CACNA2D1: variants seen among roughly 807,000 people sequenced by gnomAD.
CACNA2D1 encodes the protein calcium voltage-gated channel auxiliary subunit alpha2delta 1.
A neutral mutation model predicts 171.5 loss-of-function variants in CACNA2D1; 53 were observed. That is an observed-to-expected ratio of 0.31 (90% confidence interval 0.25 to 0.39). CACNA2D1 has a LOEUF of 0.39. CACNA2D1 is among the 10% of genes least tolerant of loss of function. The probability of loss-of-function intolerance (pLI) is 1.00; values close to 1 mark genes in which losing one functional copy is unlikely to be tolerated. For missense variants in CACNA2D1, 903 were observed against 1,299.8 expected (o/e 0.69, Z 4.69); for synonymous variants, 442 against 443.1 (o/e 1.00, Z 0.03).
intron 3 of CACNA2D1, among the ~76,000 whole-genome samples, chr7:82,178,430 A>C (rs1796780426): frequency 6.6e-6 from 1 of 152,106 alleles, no homozygotes; most frequent in Non-Finnish European, 1.5e-5. Context: ...GCAAAATAAA[A>C]GGTTGTCCAA....
chr7:81,991,907 TC>T (rs1024610956), intron 20 of CACNA2D1, among the ~76,000 whole-genome samples: 9 of 151,260 alleles, frequency 6.0e-5, no homozygotes, highest in African/African-American at 4.9e-5. Flanking sequence ...TGATCTCGGC[TC>T]ACTGCAAGCT....
chr7:82,017,133 AC>A (rs1196257549), intron 12 of CACNA2D1, among the ~76,000 whole-genome samples: 2 of 152,090 alleles, frequency 1.3e-5, no homozygotes. Flanking sequence ...ACACATATGC[AC>A]ATAGGTATTT....
chr7:82,310,887 A>C (rs1314871821), intron 3 of CACNA2D1, among the ~76,000 whole-genome samples: 1 of 152,136 alleles, frequency 6.6e-6, no homozygotes, highest in African/African-American at 2.4e-5. Context: ...CACAGAATAA[A>C]ATTTTAAGTT....
At chr7:82,391,795 A>G (rs1452562078) in intron 1 of CACNA2D1, among the ~76,000 whole-genome samples, 5 of 152,236 alleles carry the variant, frequency 3.3e-5, no homozygotes, top group Non-Finnish European at 7.3e-5. Context: ...CAAAATTAGT[A>G]GCAAGAATGC....
intron 1 of CACNA2D1, among the ~76,000 whole-genome samples, chr7:82,373,606 C>T (rs763849988): frequency 6.6e-6 from 1 of 152,136 alleles, no homozygotes; most frequent in Admixed American, 6.5e-5. Flanking sequence ...CTTTGACCTC[C>T]ACCCACCCAT....
chr7:82,280,835 C>T (rs1384983540), intron 3 of CACNA2D1, among the ~76,000 whole-genome samples: 3 of 152,078 alleles, frequency 2.0e-5, no homozygotes, highest in South Asian at 2.1e-4. Context: ...ACACGTGCAC[C>T]AGTGCCTGCC....
chr7:82,117,318 A>G, intron 5 of CACNA2D1, 145 bp from the exon 6 acceptor site: 2 of 782,802 alleles, frequency 2.6e-6, no homozygotes, highest in East Asian at 5.4e-5. Flanking sequence ...ATAGCATTGG[A>G]TACACAAATT....
intron 10 of CACNA2D1, among the ~76,000 whole-genome samples, chr7:82,050,011 A>G (rs1805008281): frequency 6.6e-6 from 1 of 152,214 alleles, no homozygotes; most frequent in South Asian, 2.1e-4. Flanking sequence ...GCAGCAATTT[A>G]CAATTGTACT....
At chr7:82,338,589 A>C (rs994841456) in intron 2 of CACNA2D1, among the ~76,000 whole-genome samples, 3 of 152,170 alleles carry the variant, frequency 2.0e-5, no homozygotes, top group African/African-American at 7.2e-5. Context: ...AGAAATCTAT[A>C]ATATACATTT....
chr7:82,214,945 T>G (rs998536849), intron 3 of CACNA2D1, among the ~76,000 whole-genome samples: 1 of 152,158 alleles, frequency 6.6e-6, no homozygotes, highest in Non-Finnish European at 1.5e-5. Flanking sequence ...AGTCAGCATC[T>G]CAAAGAACAA....
chr7:82,094,605 CA>C (rs1284275626), intron 6 of CACNA2D1, among the ~76,000 whole-genome samples: 3 of 152,170 alleles, frequency 2.0e-5, no homozygotes, highest in Non-Finnish European at 2.9e-5. Context: ...GATCTTAATA[CA>C]GACAGGAATC....
At chr7:82,420,767 C>T (rs1396475938) in intron 1 of CACNA2D1, among the ~76,000 whole-genome samples, 1 of 150,942 alleles carries the variant, frequency 6.6e-6, no homozygotes, top group Non-Finnish European at 1.5e-5. Context: ...TTATGTTTTA[C>T]GTGGATCAAA....
chr7:82,289,973 C>A (rs550423694), intron 3 of CACNA2D1, among the ~76,000 whole-genome samples: 1 of 152,198 alleles, frequency 6.6e-6, no homozygotes, highest in Non-Finnish European at 1.5e-5. Context: ...TAAAGTAGAA[C>A]CTACATTACT....
Position 82,134,051 on chromosome 7 carries a change from C to T in CACNA2D1, c.396+2584G>A, listed in dbSNP as rs144248401. Among the ~76,000 whole-genome samples the T allele has an allele frequency of 3.0e-3, 447 of 150,206 alleles. 5 individuals are homozygous for T. The highest frequency in any genetic ancestry group is 0.028 in the South Asian group (132 of 4,730). On this transcript the variant is annotated intron_variant, in intron 5 of 38. Coordinates refer to ENST00000356860, the MANE Select transcript of CACNA2D1 (RefSeq NM_000722.4). ...TCGCACCACTGTACTCCAGCCTGGGCGACAGAGCGAGAGTCTGTCTCGGAA... is the reference window on the plus strand; with the variant it reads ...TCGCACCACTGTACTCCAGCCTGGGTGACAGAGCGAGAGTCTGTCTCGGAA...
rs142135248 is a variant in CACNA2D1, at chr7:82,229,686, T to TTTTTATTTTATTTTATTTTATTTTA, written c.295-59102_295-59078dup. The stretch of plus-strand genomic sequence containing the variant: ...CCACACTTCTGGTTTACTTTTTTTA[T>TTTTTATTTTATTTTATTTTATTTTA]TTTTATTTTATTTTATTTTATTTTA... On this transcript the variant is annotated intron_variant, in intron 3 of 38. Transcript: ENST00000356860. 1.1e-3 allele frequency among the ~76,000 whole-genome samples: 162 copies of TTTTTATTTTATTTTATTTTATTTTA among 147,912 alleles called. 1 individual carries two copies. The highest frequency in any genetic ancestry group is 3.3e-3 in the African/African-American group (133 of 40,244).
chr7:82,353,918 G>A (rs754737164), intron 1 of CACNA2D1, among the ~76,000 whole-genome samples: 9 of 151,964 alleles, frequency 5.9e-5, no homozygotes, highest in Admixed American at 2.0e-4. Context: ...CCCCCAAATA[G>A]GGCACCTTGG....
At chr7:82,251,340 A>C (rs1366829074) in intron 3 of CACNA2D1, among the ~76,000 whole-genome samples, 3 of 152,116 alleles carry the variant, frequency 2.0e-5, no homozygotes, top group African/African-American at 7.2e-5. Context: ...GAGACACAAA[A>C]CTATGTTTTG....
intron 5 of CACNA2D1, among the ~76,000 whole-genome samples, chr7:82,121,514 T>C (rs1789730413): frequency 6.6e-6 from 1 of 152,314 alleles, no homozygotes; most frequent in Non-Finnish European, 1.5e-5. Context: ...AGGTTGAATA[T>C]TAAATGATGA....
chr7:82,174,042 CA>C (rs71093365), intron 3 of CACNA2D1, among the ~76,000 whole-genome samples: 1,096 of 45,630 alleles, frequency 0.024, 7 homozygotes, highest in East Asian at 0.08. Context: ...GACCCTGTCT[CA>C]AAAAAAAAAA....
Sources: gnomAD v4.1 joint callset for allele counts (sites outside exome capture counted in the v4.1 genomes callset) on GRCh38, gnomAD v4.1.1 for gene constraint, MANE v1.5 for transcripts, NCBI Gene and HGNC (gene_info 2026-07-23, HGNC 2026-07-21) for gene names.